Variants in SLC25A21 observed in about 807,000 individuals in gnomAD.
SLC25A21 encodes solute carrier family 25 member 21.
Under a neutral mutation model 43.8 loss-of-function variants are expected in SLC25A21, and 47 were observed. That is an observed-to-expected ratio of 1.07 (90% CI 0.85 to 1.37). SLC25A21 has a LOEUF of 1.37. Ranked by LOEUF, SLC25A21 falls within the 40% of genes most tolerant of loss-of-function variation. The pLI, the probability that SLC25A21 is intolerant of heterozygous loss-of-function variation, is 0.00. For synonymous variants in SLC25A21, 131 were observed against 121.3 expected (o/e 1.08, Z -0.52); for missense variants, 352 against 350.2 (o/e 1.00, Z -0.04).
At chr14:36,907,858 A>C (rs1891577964) in intron 1 of SLC25A21, among the ~76,000 whole-genome samples, 1 of 152,234 alleles carries the variant, frequency 6.6e-6, no homozygotes, top group Admixed American at 6.5e-5. Flanking sequence ...AATAAGGTAC[A>C]GTTCAAGGAA....
chr14:36,678,594 A>C lies in SLC25A21; in HGVS notation c.*2064T>G. On this transcript the variant is annotated 3_prime_UTR_variant, in exon 10 of 10. Coordinates refer to ENST00000331299, the MANE Select transcript of SLC25A21 (RefSeq NM_030631.4). Reference sequence around the variant, plus strand: ...CAGGGACTCTCCTGTCATCTGAAAAACTGATGTAAGGTACAGAACTATTCT... The same window carrying C: ...CAGGGACTCTCCTGTCATCTGAAAACCTGATGTAAGGTACAGAACTATTCT... The C allele has an allele frequency of 6.6e-7, 1 of 1,508,484 alleles. No homozygotes were observed. The highest frequency in any genetic ancestry group is 2.1e-5 in the Admixed American group (1 of 46,754). The allele number at this position is 1,508,484 out of a possible 1,614,324, so 93.4% of individuals were successfully genotyped here. A position where few individuals can be genotyped will look rare whatever the true frequency, so the allele number is the denominator to read the frequency against.
At chr14:37,007,600 A>AATAATAATAATAATAATAATAAT (rs1960634011) in intron 1 of SLC25A21, among the ~76,000 whole-genome samples, 13 of 148,120 alleles carry the variant, frequency 8.8e-5, no homozygotes, top group African/African-American at 2.8e-4. Context: ...TCCCTCTCAA[A>AATAATAATAATAATAATAATAAT]AATAATAATA....
intron 1 of SLC25A21, among the ~76,000 whole-genome samples, chr14:37,165,898 T>G (rs554621936): frequency 6.6e-6 from 1 of 152,264 alleles, no homozygotes; most frequent in South Asian, 2.1e-4. Context: ...TGCTCCTAGC[T>G]CCAAGTTAGA....
intron 3 of SLC25A21, among the ~76,000 whole-genome samples, chr14:36,749,441 C>T (rs1292036102): frequency 2.0e-5 from 3 of 152,154 alleles, no homozygotes; most frequent in Admixed American, 2.0e-4. Flanking sequence ...AGTCTCCCAA[C>T]TGGTTTGCCT....
chr14:36,829,929 A>AT (rs34135187), intron 2 of SLC25A21, among the ~76,000 whole-genome samples: 27,291 of 149,680 alleles, frequency 0.18, 2,795 homozygotes, highest in Middle Eastern at 0.27. Flanking sequence ...CTGCTGTTGC[A>AT]TTTTTTTTTT....
In SLC25A21 at chr14:36,743,905, G is replaced by A. The variant is rs771262332; in HGVS notation, c.204-9332C>T. ...TAATAATCAACCTGATAACCAAATC[G>A]AGAACTGAATCTCATTTAAAATAGC... is the stretch of plus-strand genomic sequence containing the variant. On this transcript the variant is annotated intron_variant, in intron 3 of 9. Coordinates refer to ENST00000331299, the MANE Select transcript of SLC25A21 (RefSeq NM_030631.4). 5.3e-5 allele frequency among the ~76,000 whole-genome samples: 8 copies of A among 152,140 alleles called. No homozygotes were observed. In the South Asian group the frequency reaches 8.3e-4, roughly 16 times the overall value.
chr14:37,014,029 G>A (rs531000005), intron 1 of SLC25A21, among the ~76,000 whole-genome samples: 1 of 152,142 alleles, frequency 6.6e-6, no homozygotes, highest in African/African-American at 2.4e-5. Context: ...AAATCCTAAT[G>A]ATCATATGAG....
intron 5 of SLC25A21, 34 bp downstream of exon 5, chr14:36,729,469 AACAC>A (rs1328524808): frequency 6.8e-7 from 1 of 1,466,550 alleles, no homozygotes; most frequent in South Asian, 1.3e-5. Context: ...TTTATGAAAT[AACAC>A]ACACATTTAA....
intron 2 of SLC25A21, among the ~76,000 whole-genome samples, chr14:36,817,065 G>A (rs1177970432): frequency 6.6e-6 from 1 of 151,984 alleles, no homozygotes; most frequent in African/African-American, 2.4e-5. Context: ...CTTTAATTAA[G>A]TTCATTTATC....
At chr14:36,811,000 A>AGG (rs762231098) in intron 3 of SLC25A21, among the ~76,000 whole-genome samples, 1 of 81,850 alleles carries the variant, frequency 1.2e-5, no homozygotes, top group East Asian at 3.9e-4. Context: ...TTAAATGAAG[A>AGG]GGGATAGTTT....
intron 1 of SLC25A21, among the ~76,000 whole-genome samples, chr14:37,147,453 G>C (rs565262402): frequency 1.3e-5 from 2 of 151,842 alleles, no homozygotes; most frequent in Non-Finnish European, 2.9e-5. Flanking sequence ...CATTGTCAAC[G>C]AGAAGCCACC....
intron 1 of SLC25A21, among the ~76,000 whole-genome samples, chr14:37,095,156 C>A (rs1299194338): frequency 1.3e-5 from 2 of 152,150 alleles, no homozygotes; most frequent in Admixed American, 1.3e-4. Context: ...GTTTTGATCA[C>A]TGCTATATCA....
chr14:37,010,340 T>G (rs1245833663), intron 1 of SLC25A21, among the ~76,000 whole-genome samples: 1 of 152,244 alleles, frequency 6.6e-6, no homozygotes, highest in Non-Finnish European at 1.5e-5. Flanking sequence ...GCTTGAAATA[T>G]TAGGATTCTC....
At chr14:36,856,468 C>T (rs561290877) in intron 2 of SLC25A21, among the ~76,000 whole-genome samples, 27 of 152,054 alleles carry the variant, frequency 1.8e-4, no homozygotes, top group Non-Finnish European at 3.2e-4. Flanking sequence ...GCTCATTCTG[C>T]GAGTGGGCAC....
intron 1 of SLC25A21, among the ~76,000 whole-genome samples, chr14:36,899,981 T>C (rs552557575): frequency 6.6e-6 from 1 of 152,262 alleles, no homozygotes; most frequent in African/African-American, 2.4e-5. Flanking sequence ...GTCAGGACTC[T>C]TTTGGTTGTA....
intron 3 of SLC25A21, among the ~76,000 whole-genome samples, chr14:36,760,682 G>A (rs1315491812): frequency 6.6e-6 from 1 of 152,142 alleles, no homozygotes; most frequent in Non-Finnish European, 1.5e-5. Context: ...CACACATATT[G>A]TAACTTTTGA....
chr14:36,815,676 A>G (rs911519045), intron 2 of SLC25A21, among the ~76,000 whole-genome samples: 3 of 152,134 alleles, frequency 2.0e-5, no homozygotes, highest in Non-Finnish European at 2.9e-5. Flanking sequence ...AGTTTCCAGT[A>G]CTAGGGTCTT....
In SLC25A21 at chr14:36,846,744, A is replaced by G. The variant is rs7493103; in HGVS notation, c.119+28212T>C. On this transcript the variant is annotated intron_variant, in intron 2 of 9. Coordinates refer to ENST00000331299, the MANE Select transcript of SLC25A21 (RefSeq NM_030631.4). The stretch of plus-strand genomic sequence containing the variant: ...CCATCCATTCAACAAAAGTGTGTTG[A>G]ATATATAGCAAATGTCAGACACAGG... Among the ~76,000 whole-genome samples the G allele has an allele frequency of 4.2e-3, 640 of 152,306 alleles. 8 individuals are homozygous for G. The highest frequency in any genetic ancestry group is 0.014 in the African/African-American group (583 of 41,558).
chr14:36,957,296 G>A (rs916113577), intron 1 of SLC25A21, among the ~76,000 whole-genome samples: 8 of 152,212 alleles, frequency 5.3e-5, no homozygotes, highest in African/African-American at 1.7e-4. Flanking sequence ...GGGAGGAAGA[G>A]CGGCCTTAAT....
Sources: gnomAD v4.1 joint callset for allele counts (sites outside exome capture counted in the v4.1 genomes callset) on GRCh38, gnomAD v4.1.1 for gene constraint, MANE v1.5 for transcripts, NCBI Gene and HGNC (gene_info 2026-07-23, HGNC 2026-07-21) for gene names.